The following KIF26B variants were observed in gnomAD, a reference collection of about 807,000 sequenced individuals.
The protein encoded by KIF26B is kinesin-like protein KIF26B.
A neutral mutation model predicts 151.2 loss-of-function variants in KIF26B; 63 were observed. The observed-to-expected ratio is 0.42, with a 90% CI of 0.34 to 0.51. The LOEUF (loss-of-function observed/expected upper bound fraction) is 0.51, where lower values mean the gene tolerates loss of function less well. KIF26B is among the 20% of genes least tolerant of loss of function. The pLI, the probability that KIF26B is intolerant of heterozygous loss-of-function variation, is 0.07. For synonymous variants in KIF26B, 1,357 were observed against 1,262.1 expected, an observed-to-expected ratio of 1.08 and a Z score of -1.59; for missense variants, 2,813 against 2,913.6, an observed-to-expected ratio of 0.97 and a Z score of 0.79.
chr1:245,424,327 T>A lies in KIF26B; in HGVS notation c.1166+4582T>A, dbSNP rs1658571718. Among the ~76,000 whole-genome samples, 8 of 152,154 alleles carry A rather than the reference T, an allele frequency of 5.3e-5. 1 individual carries two copies. The highest frequency in any genetic ancestry group is 5.2e-4 in the Admixed American group (8 of 15,278). Reference sequence around the variant, plus strand: ...CCACATCAGCTAATTTTTGTATTTTTAGTAGAGATGGGGTTTCATCATGTT... The same window carrying A: ...CCACATCAGCTAATTTTTGTATTTTAAGTAGAGATGGGGTTTCATCATGTT... On this transcript the variant is annotated intron_variant, in intron 4 of 14. Coordinates refer to ENST00000407071, the MANE Select transcript of KIF26B (RefSeq NM_018012.4).
chr1:245,383,359 A>G (rs1436658362), intron 3 of KIF26B, among the ~76,000 whole-genome samples: 1 of 152,188 alleles, frequency 6.6e-6, no homozygotes, highest in Admixed American at 6.5e-5. Context: ...TGTTTTTAGC[A>G]GTAATCTCAT....
rs561685392 is a variant in KIF26B, at chr1:245,175,255, C to T, written c.465+18572C>T. Among the ~76,000 whole-genome samples, 9 of 152,190 alleles carry T rather than the reference C, an allele frequency of 5.9e-5. No individual in the cohort carries two copies. In the East Asian group the frequency reaches 1.7e-3, roughly 29 times the overall value. ...ATTACAACCCCTAGCCAATCTGCCT[C>T]CAGACTCTAGTGCATTTCAGTAGAG... On this transcript the variant is annotated intron_variant, in intron 2 of 14. Coordinates refer to ENST00000407071, the MANE Select transcript of KIF26B (RefSeq NM_018012.4).
chr1:245,686,298 T>C lies in KIF26B; in HGVS notation c.3315T>C (p.Pro1105=), dbSNP rs1338712318. The change falls in exon 12 of 15, where the codon CCT becomes CCC. Residue 1105 remains proline (P), a synonymous_variant. Transcript: ENST00000407071. The surrounding 1 kb of genome is among the most constrained non-coding windows in gnomAD (Gnocchi z 5.6). The part of the protein sequence containing the change: ...KGVLPSPAPL[P]PSSKDSGVAS... The stretch of plus-strand genomic sequence containing the variant: ...TCCTGCCGTCTCCCGCCCCACTGCC[T>C]CCCTCGAGCAAGGATTCCGGCGTGG... 4 of 1,612,856 alleles carry C rather than the reference T, an allele frequency of 2.5e-6. No individual in the cohort carries two copies. Among genetic ancestry groups the C allele is most frequent in the Non-Finnish European group, 3.4e-6 (4 of 1,179,814 alleles).
At chr1:245,361,524 G>A (rs1306109736) in intron 2 of KIF26B, among the ~76,000 whole-genome samples, 1 of 152,228 alleles carries the variant, frequency 6.6e-6, no homozygotes. Context: ...ACTGGGTGAA[G>A]GGCTGTGGGC....
chr1:245,192,400 C>A (rs1427202545), intron 2 of KIF26B, among the ~76,000 whole-genome samples: 4 of 151,142 alleles, frequency 2.6e-5, no homozygotes, highest in Non-Finnish European at 4.4e-5. Context: ...ATATTGATGG[C>A]TGCTGGTCTC....
chr1:245,448,838 A>T (rs1659310050), intron 4 of KIF26B, among the ~76,000 whole-genome samples: 1 of 152,180 alleles, frequency 6.6e-6, no homozygotes, highest in African/African-American at 2.4e-5. Context: ...ATAACTAAAC[A>T]TTTACTCAAA....
At chr1:245,657,124 T>C (rs2044083700) in intron 10 of KIF26B, among the ~76,000 whole-genome samples, 1 of 109,708 alleles carries the variant, frequency 9.1e-6, no homozygotes, top group Non-Finnish European at 1.9e-5. Context: ...TCCCTACCGA[T>C]GAGATCAATG....
chr1:245,656,435 C>T (rs1402780664), intron 10 of KIF26B, among the ~76,000 whole-genome samples: 1 of 152,202 alleles, frequency 6.6e-6, no homozygotes, highest in Non-Finnish European at 1.5e-5. Flanking sequence ...CATGACAAAC[C>T]ACTAAGCCAA....
intron 2 of KIF26B, among the ~76,000 whole-genome samples, chr1:245,179,878 G>A (rs74153109): frequency 0.028 from 4,217 of 152,280 alleles, 161 homozygotes; most frequent in African/African-American, 0.088. Flanking sequence ...CTGCAGTTGC[G>A]GGGCAGAGGC....
chr1:245,581,589 C>G (rs1297612645), intron 5 of KIF26B, among the ~76,000 whole-genome samples: 2 of 152,154 alleles, frequency 1.3e-5, no homozygotes. Flanking sequence ...TCTTACAGGT[C>G]TTCAGTTCCT....
chr1:245,530,980 T>TG (rs1292199942), intron 4 of KIF26B, among the ~76,000 whole-genome samples: 1 of 152,206 alleles, frequency 6.6e-6, no homozygotes, highest in Non-Finnish European at 1.5e-5. Flanking sequence ...TCTGTGTATG[T>TG]GGGGGGAGGT....
chr1:245,523,434 A>C (rs569842971), intron 4 of KIF26B, among the ~76,000 whole-genome samples: 45 of 152,326 alleles, frequency 3.0e-4, no homozygotes, highest in Non-Finnish European at 5.6e-4. Flanking sequence ...AGAATCACAG[A>C]CAATACCTGT....
Position 245,340,855 on chromosome 1 carries a change from G to A in KIF26B, c.466-25979G>A, listed in dbSNP as rs573815470. On this transcript the variant is annotated intron_variant, in intron 2 of 14. Coordinates refer to ENST00000407071, the MANE Select transcript of KIF26B (RefSeq NM_018012.4). Reference sequence around the variant, plus strand: ...GGGGCAGCTTCTCTGAGGGTGCGACGTTTCAGCCACGATCTAAGGGAGGGA... The same window carrying A: ...GGGGCAGCTTCTCTGAGGGTGCGACATTTCAGCCACGATCTAAGGGAGGGA... Among the ~76,000 whole-genome samples the A allele has an allele frequency of 4.6e-5, 7 of 152,288 alleles. No homozygotes were observed. The South Asian group carries it at 1.0e-3, about 23-fold the overall frequency.
chr1:245,587,674 G>T (rs1572143351), intron 5 of KIF26B, among the ~76,000 whole-genome samples: 1 of 152,186 alleles, frequency 6.6e-6, no homozygotes, highest in East Asian at 1.9e-4. Context: ...GGTTCACCTT[G>T]AAGGCAAGAT....
In KIF26B at chr1:245,686,688, C is replaced by A; in HGVS notation, c.3705C>A (p.Ile1235=). 2 of 1,612,816 alleles carry A rather than the reference C, an allele frequency of 1.2e-6. No individual in the cohort carries two copies. The highest frequency in any genetic ancestry group is 1.7e-6 in the Non-Finnish European group (2 of 1,179,516). ...GSRPVSIISS[I]SEDLECYSST... ...GGCCCGTCAGCATCATCAGCAGCAT[C>A]AGCGAGGACCTGGAGTGCTACTCCA... is the stretch of plus-strand genomic sequence containing the variant. Residue 1235 remains isoleucine, a synonymous_variant, in exon 12 of 15, where the codon ATC becomes ATA. Coordinates refer to ENST00000407071, the MANE Select transcript of KIF26B (RefSeq NM_018012.4). The surrounding 1 kb of genome is among the most constrained non-coding windows in gnomAD (Gnocchi z 5.6).
intron 2 of KIF26B, among the ~76,000 whole-genome samples, chr1:245,197,115 G>C (rs1341192992): frequency 6.6e-6 from 1 of 152,166 alleles, no homozygotes; most frequent in Admixed American, 6.5e-5. Context: ...CCAATTATTT[G>C]CCCACAGTAG....
At chr1:245,193,750 T>A (rs1449810036) in intron 2 of KIF26B, among the ~76,000 whole-genome samples, 5 of 152,128 alleles carry the variant, frequency 3.3e-5, no homozygotes, top group Non-Finnish European at 7.4e-5. Context: ...CAAACCTGAG[T>A]CATCTGTCGC....
chr1:245,471,165 C>T (rs1159370542), intron 4 of KIF26B, among the ~76,000 whole-genome samples: 2 of 151,446 alleles, frequency 1.3e-5, no homozygotes, highest in Non-Finnish European at 2.9e-5. Context: ...GAGTTTTGCC[C>T]TGTCACCTAG....
chr1:245,426,110 C>T (rs1200966384), intron 4 of KIF26B, among the ~76,000 whole-genome samples: 1 of 151,954 alleles, frequency 6.6e-6, no homozygotes, highest in Admixed American at 6.6e-5. Flanking sequence ...AACTTACTAT[C>T]TTCAAATCCT....
Sources: gnomAD v4.1 joint callset for allele counts (sites outside exome capture counted in the v4.1 genomes callset) on GRCh38, gnomAD v4.1.1 for gene constraint, Gnocchi (gnomAD v3.1) non-coding constraint, MANE v1.5 for transcripts, NCBI Gene and HGNC (gene_info 2026-07-23, HGNC 2026-07-21) for gene names.